UBR1: variants seen among roughly 807,000 people sequenced by gnomAD.
The protein encoded by UBR1 is ubiquitin protein ligase E3 component n-recognin 1, also known as E3 ubiquitin-protein ligase UBR1.
A neutral mutation model predicts 242.1 loss-of-function variants in UBR1; 102 were observed. That is an observed-to-expected ratio of 0.42 (90% confidence interval 0.36 to 0.50). The LOEUF is 0.50. UBR1 is among the 20% of genes least tolerant of loss of function. UBR1 has a pLI of 0.01. For synonymous variants in UBR1, 675 were observed against 684.8 expected (o/e 0.99, Z 0.22); for missense variants, 1,772 against 2,101.8 (o/e 0.84, Z 3.07).
At chr15:42,988,363 T>C (rs1317229050) in intron 35 of UBR1, 2 of 200,208 alleles carry the variant, frequency 1.0e-5, no homozygotes, top group East Asian at 1.3e-4. Context: ...GGTGCAACCA[T>C]GGCTCACTGC....
In UBR1 at chr15:42,982,996, C is replaced by T. The variant is rs534635711; in HGVS notation, c.4150+901G>A. On this transcript the variant is annotated intron_variant, in intron 37 of 46. Coordinates refer to ENST00000290650, the MANE Select transcript of UBR1 (RefSeq NM_174916.3). ...CAGATAACCAAAAGGAAAGCAAAATCACTCTAATGCTGTGTAATGACTTAC... is the reference window on the plus strand; with the variant it reads ...CAGATAACCAAAAGGAAAGCAAAATTACTCTAATGCTGTGTAATGACTTAC... Among the ~76,000 whole-genome samples, 18 of 152,182 alleles carry T rather than the reference C, an allele frequency of 1.2e-4. 1 individual carries two copies. The South Asian group carries it at 3.7e-3, about 32-fold the overall frequency.
chr15:43,018,010 T>TG (rs2033053495), intron 27 of UBR1, among the ~76,000 whole-genome samples: 1 of 147,972 alleles, frequency 6.8e-6, no homozygotes, highest in Non-Finnish European at 1.5e-5. Flanking sequence ...GGTTTGTTGT[T>TG]TTTTTTTTTT....
chr15:43,027,734 T>C (rs371858871), intron 22 of UBR1, 42 bp downstream of exon 22: 39 of 1,579,168 alleles, frequency 2.5e-5, no homozygotes, highest in Non-Finnish European at 3.3e-5. Context: ...AGAACAAAGA[T>C]CAAACTACCT....
At chr15:43,047,432 C>T in intron 13 of UBR1, 143 bp from the exon 14 acceptor site, 1 of 1,241,234 alleles carries the variant, frequency 8.1e-7, no homozygotes, top group Non-Finnish European at 1.2e-6. Flanking sequence ...CAATTCCCAG[C>T]TCTCAGGTAT....
Position 43,079,576 on chromosome 15 carries a change from G to A in UBR1, c.417+3062C>T, listed in dbSNP as rs185373010. Reference sequence around the variant, plus strand: ...GGGTGGATCATGAGGTCAGGAGATCGAGACCATCCTGGCTAACACGGTGAA... The same window carrying A: ...GGGTGGATCATGAGGTCAGGAGATCAAGACCATCCTGGCTAACACGGTGAA... On this transcript the variant is annotated intron_variant, in intron 3 of 46. Coordinates refer to ENST00000290650, the MANE Select transcript of UBR1 (RefSeq NM_174916.3). Among the ~76,000 whole-genome samples, 229 of 152,006 alleles carry A rather than the reference G, an allele frequency of 1.5e-3. 1 individual carries two copies. Among genetic ancestry groups the A allele is most frequent in the Middle Eastern group, 0.014 (4 of 294 alleles).
At chr15:42,970,404 A>T in intron 40 of UBR1, 116 bp downstream of exon 40, 1 of 1,076,738 alleles carries the variant, frequency 9.3e-7, no homozygotes, top group Non-Finnish European at 1.4e-6. Flanking sequence ...AAGAAAACCT[A>T]GGCAATAACT....
intron 19 of UBR1, among the ~76,000 whole-genome samples, chr15:43,033,908 A>G (rs2033291932): frequency 6.6e-6 from 1 of 152,104 alleles, no homozygotes; most frequent in Non-Finnish European, 1.5e-5. Context: ...GTTTGAGACT[A>G]GCCTGGTCAA....
intron 42 of UBR1, among the ~76,000 whole-genome samples, chr15:42,962,750 A>G (rs1032842416): frequency 1.3e-5 from 2 of 151,962 alleles, no homozygotes; most frequent in Non-Finnish European, 2.9e-5. Flanking sequence ...TTGGACTCCC[A>G]AAGTGCTGGG....
chr15:43,101,348 C>A (rs1336713440), intron 1 of UBR1, among the ~76,000 whole-genome samples: 1 of 152,144 alleles, frequency 6.6e-6, no homozygotes, highest in African/African-American at 2.4e-5. Flanking sequence ...TGGAAGCAAA[C>A]AGACCAGTTA....
At chr15:43,058,113 T>C (rs895601888) in intron 10 of UBR1, among the ~76,000 whole-genome samples, 1 of 152,136 alleles carries the variant, frequency 6.6e-6, no homozygotes, top group Non-Finnish European at 1.5e-5. Context: ...TTTCACCGTG[T>C]TGGCCAGGCT....
At chr15:43,029,211 T>A (rs2033221749) in intron 21 of UBR1, among the ~76,000 whole-genome samples, 1 of 152,246 alleles carries the variant, frequency 6.6e-6, no homozygotes, top group Non-Finnish European at 1.5e-5. Flanking sequence ...ATCATTTTTC[T>A]AACTCATATT....
chr15:43,088,622 A>G (rs1379064216), intron 1 of UBR1, among the ~76,000 whole-genome samples: 2 of 151,924 alleles, frequency 1.3e-5, no homozygotes, highest in Non-Finnish European at 2.9e-5. Flanking sequence ...CAGCCTCCCA[A>G]GTAGCTGGGT....
chr15:42,964,093 C>A lies in UBR1; in HGVS notation c.4592-50G>T. 4 of 1,231,682 alleles carry A rather than the reference C, an allele frequency of 3.2e-6. No homozygotes were observed. The South Asian group carries it at 4.9e-5, about 15-fold the overall frequency. The allele number at this position is 1,231,682 out of a possible 1,614,324, so 76.3% of individuals were successfully genotyped here. ...AATAAGCACATTATTCTTACCTGGT[C>A]AATCTGTGCATTAGAGTTTCTTCAC... On this transcript the variant is annotated intron_variant, in intron 41 of 46. Transcript: ENST00000290650.
chr15:43,003,458 G>A (rs1005736558), intron 31 of UBR1: 11 of 308,730 alleles, frequency 3.6e-5, no homozygotes, highest in African/African-American at 1.1e-4. Context: ...GTTTTACCAC[G>A]TTGGCCAGGC....
At chr15:43,077,997 G>A (rs1263907860) in intron 3 of UBR1, among the ~76,000 whole-genome samples, 4 of 152,118 alleles carry the variant, frequency 2.6e-5, no homozygotes, top group African/African-American at 4.8e-5. Flanking sequence ...TTCATATGAC[G>A]TACTCCAAAG....
At chr15:43,095,526 TAG>T (rs2141368730) in intron 1 of UBR1, among the ~76,000 whole-genome samples, 1 of 149,072 alleles carries the variant, frequency 6.7e-6, no homozygotes, top group South Asian at 2.1e-4. Flanking sequence ...AGATTAGAAT[TAG>T]AGTGTGACAA....
chr15:42,976,591 T>TAAAC, intron 39 of UBR1, 126 bp downstream of exon 39: 1 of 1,262,976 alleles, frequency 7.9e-7, no homozygotes, highest in East Asian at 2.5e-5. Context: ...AAAAAACAGA[T>TAAAC]AATCATTCAA....
At chr15:42,980,694 G>A (rs1250759202) in intron 37 of UBR1, among the ~76,000 whole-genome samples, 1 of 151,800 alleles carries the variant, frequency 6.6e-6, no homozygotes, top group African/African-American at 2.4e-5. Flanking sequence ...CTGCAGCCAC[G>A]ACCTCCTGGG....
chr15:42,971,759 T>C, intron 39 of UBR1, among the ~76,000 whole-genome samples: 1 of 152,220 alleles, frequency 6.6e-6, no homozygotes, highest in Non-Finnish European at 1.5e-5. Context: ...TTGAGGTAAA[T>C]TTTACATGCA....
Sources: allele counts gnomAD v4.1 joint callset (sites outside exome capture counted in the v4.1 genomes callset), GRCh38; gene constraint gnomAD v4.1.1; transcripts MANE v1.5; gene names NCBI Gene and HGNC (gene_info 2026-07-23, HGNC 2026-07-21).